Variants in ADK observed in about 807,000 individuals in gnomAD.
ADK encodes the protein adenosine kinase, also known as N6,N6-dimethyladenosine kinase.
In ADK, 24 loss-of-function variants were observed where a neutral mutation model predicts 44.7. The observed-to-expected ratio is 0.54, with a 90% CI of 0.39 to 0.76. The LOEUF is 0.76. Ranked by LOEUF, ADK falls within the 30% of genes least tolerant of loss-of-function variation. The pLI, the probability that ADK is intolerant of heterozygous loss-of-function variation, is 0.00. For synonymous variants in ADK, 128 were observed against 142.6 expected, an observed-to-expected ratio of 0.90 and a Z score of 0.73; for missense variants, 321 against 425.1, an observed-to-expected ratio of 0.76 and a Z score of 2.15.
intron 7 of ADK, among the ~76,000 whole-genome samples, chr10:74,560,903 C>G (rs533941041): frequency 5.9e-5 from 9 of 152,168 alleles, no homozygotes; most frequent in African/African-American, 2.2e-4. Context: ...AGCTATTATC[C>G]TATTTTTAAA....
chr10:74,541,798 C>CCA (rs1564782571), intron 7 of ADK, among the ~76,000 whole-genome samples: 2 of 129,704 alleles, frequency 1.5e-5, no homozygotes, highest in Non-Finnish European at 3.3e-5. Context: ...CCACACACCC[C>CCA]CCCCCCCTAA....
At chr10:74,544,637 G>A (rs1230465913) in intron 7 of ADK, among the ~76,000 whole-genome samples, 1 of 152,106 alleles carries the variant, frequency 6.6e-6, no homozygotes, top group Non-Finnish European at 1.5e-5. Flanking sequence ...AGCATTTTGG[G>A]GGGCTGAGGC....
intron 4 of ADK, among the ~76,000 whole-genome samples, chr10:74,363,823 A>C (rs1471149503): frequency 6.6e-6 from 1 of 152,144 alleles, no homozygotes; most frequent in Non-Finnish European, 1.5e-5. Flanking sequence ...CCACCTGAGG[A>C]TCTGCTGTGG....
chr10:74,474,338 AG>A (rs1846728971), intron 6 of ADK, among the ~76,000 whole-genome samples: 1 of 152,164 alleles, frequency 6.6e-6, no homozygotes, highest in South Asian at 2.1e-4. Context: ...CCTGAACTCA[AG>A]TGATCTTCCC....
chr10:74,689,862 T>C (rs970336151), intron 10 of ADK, among the ~76,000 whole-genome samples: 2 of 152,186 alleles, frequency 1.3e-5, no homozygotes, highest in African/African-American at 4.8e-5. Context: ...CTTTCCTTAC[T>C]ATCTATCACC....
chr10:74,703,644 G>A (rs767976210), intron 10 of ADK, among the ~76,000 whole-genome samples: 1 of 152,164 alleles, frequency 6.6e-6, no homozygotes, highest in African/African-American at 2.4e-5. Context: ...CTCTGTTCCA[G>A]AGGAGAAAAT....
At chr10:74,196,934 G>A (rs779685698) in intron 1 of ADK, among the ~76,000 whole-genome samples, 5 of 152,154 alleles carry the variant, frequency 3.3e-5, no homozygotes, top group South Asian at 2.1e-4. Flanking sequence ...TTCAGTTTTC[G>A]CACTCTGCTT....
intron 1 of ADK, among the ~76,000 whole-genome samples, chr10:74,178,480 A>C (rs911162925): frequency 2.0e-5 from 3 of 152,186 alleles, no homozygotes; most frequent in African/African-American, 7.2e-5. Flanking sequence ...AATGCTACTA[A>C]TTAGGTGTAG....
At chr10:74,194,758 T>C (rs1843062324) in intron 1 of ADK, among the ~76,000 whole-genome samples, 1 of 152,140 alleles carries the variant, frequency 6.6e-6, no homozygotes, top group Non-Finnish European at 1.5e-5. Flanking sequence ...ACTAGTAAGA[T>C]GGGGCTAGTT....
intron 3 of ADK, among the ~76,000 whole-genome samples, chr10:74,302,202 C>T (rs772836956): frequency 7.1e-6 from 1 of 141,258 alleles, no homozygotes; most frequent in Admixed American, 7.3e-5. Flanking sequence ...GATCTTGGCT[C>T]GCTGCAACCC....
At chr10:74,324,774 T>C (rs1282245190) in intron 4 of ADK, among the ~76,000 whole-genome samples, 1 of 152,206 alleles carries the variant, frequency 6.6e-6, no homozygotes, top group Non-Finnish European at 1.5e-5. Flanking sequence ...AGAAGTGGGA[T>C]TGCTGGATCA....
At chr10:74,251,082 G>C (rs1845634351) in intron 3 of ADK, among the ~76,000 whole-genome samples, 1 of 152,146 alleles carries the variant, frequency 6.6e-6, no homozygotes, top group African/African-American at 2.4e-5. Context: ...GATCCATATG[G>C]AGAGAGGGCG....
chr10:74,553,009 CTGTA>C (rs1564788452), intron 7 of ADK, among the ~76,000 whole-genome samples: 1 of 151,584 alleles, frequency 6.6e-6, no homozygotes. Flanking sequence ...ATTTGAAAAA[CTGTA>C]TGGTAGTTTT....
intron 6 of ADK, among the ~76,000 whole-genome samples, chr10:74,467,542 G>T (rs921335250): frequency 2.0e-5 from 3 of 151,916 alleles, no homozygotes; most frequent in Non-Finnish European, 4.4e-5. Context: ...ATTCATTTCT[G>T]CATCACAATA....
At chr10:74,417,089 A>G (rs2132994080) in intron 6 of ADK, among the ~76,000 whole-genome samples, 1 of 152,200 alleles carries the variant, frequency 6.6e-6, no homozygotes, top group Admixed American at 6.5e-5. Context: ...ATCATTTGCA[A>G]GTTTTGAGCC....
intron 10 of ADK, among the ~76,000 whole-genome samples, chr10:74,679,830 G>T (rs1418844621): frequency 6.6e-6 from 1 of 151,816 alleles, no homozygotes; most frequent in African/African-American, 2.4e-5. Flanking sequence ...GTGTGGTGGT[G>T]GGTGCCTATA....
chr10:74,250,294 G>A (rs1845600419), intron 3 of ADK, among the ~76,000 whole-genome samples: 1 of 152,186 alleles, frequency 6.6e-6, no homozygotes. Context: ...ATTTGAGGAT[G>A]AGTAGAAATA....
At chr10:74,502,836 G>A (rs750641814) in intron 6 of ADK, among the ~76,000 whole-genome samples, 16 of 152,128 alleles carry the variant, frequency 1.1e-4, no homozygotes, top group Non-Finnish European at 2.1e-4. Flanking sequence ...TTGATTTAGT[G>A]CTAGCCTCAG....
chr10:74,326,567 T>C (rs1031294447), intron 4 of ADK, among the ~76,000 whole-genome samples: 1 of 152,030 alleles, frequency 6.6e-6, no homozygotes, highest in Non-Finnish European at 1.5e-5. Context: ...ACTATGATCA[T>C]GCCACTGTAC....
Sources: allele counts gnomAD v4.1 joint callset (sites outside exome capture counted in the v4.1 genomes callset), GRCh38; gene constraint gnomAD v4.1.1; transcripts MANE v1.5; gene names NCBI Gene and HGNC (gene_info 2026-07-23, HGNC 2026-07-21).